Variants in MBNL2 observed in about 807,000 individuals in gnomAD.
The protein encoded by MBNL2 is muscleblind like splicing regulator 2, also known as muscleblind-like protein 2.
MBNL2 carries 17 observed loss-of-function variants against 41.9 expected under a neutral mutation model. That is an observed-to-expected ratio of 0.41 (90% CI 0.28 to 0.61). The LOEUF is 0.61. Among genes scored for constraint, MBNL2 ranks in the 20% least tolerant of loss-of-function variants. MBNL2 has a pLI of 0.35. For synonymous variants in MBNL2, 195 were observed against 182.9 expected (o/e 1.07, Z -0.53); for missense variants, 336 against 505.6 (o/e 0.66, Z 3.22).
chr13:97,242,472 C>T (rs965454108), intron 1 of MBNL2, among the ~76,000 whole-genome samples: 6 of 152,142 alleles, frequency 3.9e-5, no homozygotes, highest in African/African-American at 1.2e-4. Context: ...CTCAGCTAGA[C>T]AGTAGAGGCA....
chr13:97,293,524 G>A (rs1041185194), intron 2 of MBNL2, among the ~76,000 whole-genome samples: 9 of 152,094 alleles, frequency 5.9e-5, no homozygotes, highest in South Asian at 2.1e-4. Flanking sequence ...TTATATCAGC[G>A]TGCAGATATT....
At chr13:97,146,016 A>T in the MBNL2 span, among the ~76,000 whole-genome samples, 1 of 144,064 alleles carries the variant, frequency 6.9e-6, no homozygotes. Context: ...ACGGAGTCTC[A>T]CTCTGTCACC....
At chr13:97,230,313 G>C (rs1354295529) in intron 1 of MBNL2, among the ~76,000 whole-genome samples, 1 of 152,122 alleles carries the variant, frequency 6.6e-6, no homozygotes, top group African/African-American at 2.4e-5. Context: ...AAATGGGAGT[G>C]GTCTGAAAAA....
At chr13:97,260,465 C>T (rs73555771) in intron 1 of MBNL2, among the ~76,000 whole-genome samples, 3,682 of 152,224 alleles carry the variant, frequency 0.024, 72 homozygotes, top group South Asian at 0.11. Flanking sequence ...GGCTGCAGTG[C>T]GGCAAGGGTA....
intron 3 of MBNL2, among the ~76,000 whole-genome samples, chr13:97,341,377 A>C (rs1369614996): frequency 6.6e-6 from 1 of 152,234 alleles, no homozygotes; most frequent in Non-Finnish European, 1.5e-5. Flanking sequence ...AACATTACAT[A>C]GTCCGTAAAC....
the MBNL2 span, among the ~76,000 whole-genome samples, chr13:97,210,056 G>A: frequency 3.9e-5 from 6 of 151,982 alleles, no homozygotes; most frequent in Admixed American, 1.3e-4. Context: ...TTGGCCTCCC[G>A]AAGTGCTGGG....
chr13:97,236,321 G>A (rs1468863731), intron 1 of MBNL2, among the ~76,000 whole-genome samples: 1 of 152,114 alleles, frequency 6.6e-6, no homozygotes, highest in African/African-American at 2.4e-5. Flanking sequence ...CAGAACGAAG[G>A]GGTTAATTTA....
At chr13:97,255,222 G>A (rs973967045) in intron 1 of MBNL2, among the ~76,000 whole-genome samples, 7 of 152,160 alleles carry the variant, frequency 4.6e-5, no homozygotes, top group African/African-American at 1.4e-4. Context: ...AGAGTTAGAA[G>A]AACTGACAGA....
At chr13:97,330,986 C>T (rs2060390469) in intron 2 of MBNL2, among the ~76,000 whole-genome samples, 1 of 152,076 alleles carries the variant, frequency 6.6e-6, no homozygotes, top group Non-Finnish European at 1.5e-5. Flanking sequence ...CACAAATACC[C>T]TGTAGAGTTG....
At chr13:97,237,699 A>G (rs969101531) in intron 1 of MBNL2, among the ~76,000 whole-genome samples, 1 of 152,242 alleles carries the variant, frequency 6.6e-6, no homozygotes, top group African/African-American at 2.4e-5. Context: ...TCTAGGGTGT[A>G]CTTGGCATGG....
At chr13:97,154,184 G>C in the MBNL2 span, among the ~76,000 whole-genome samples, 137 of 152,278 alleles carry the variant, frequency 9.0e-4, no homozygotes, top group African/African-American at 3.2e-3. Flanking sequence ...AGTCATAAAA[G>C]AGAATTTGAT....
At chr13:97,182,179 C>T in the MBNL2 span, among the ~76,000 whole-genome samples, 18 of 152,280 alleles carry the variant, frequency 1.2e-4, no homozygotes, top group African/African-American at 4.3e-4. Context: ...GGAACCCAGG[C>T]AATCCTATGG....
chr13:97,224,165 C>G (rs1418478622), intron 1 of MBNL2, among the ~76,000 whole-genome samples: 1 of 152,200 alleles, frequency 6.6e-6, no homozygotes, highest in African/African-American at 2.4e-5. Context: ...CTGACTCCCC[C>G]TTGGTGCAGC....
intron 8 of MBNL2, among the ~76,000 whole-genome samples, chr13:97,388,753 A>T (rs1594303863): frequency 6.6e-6 from 1 of 152,010 alleles, no homozygotes; most frequent in Non-Finnish European, 1.5e-5. Flanking sequence ...GGCATATTTC[A>T]CCCCAGAGTA....
At chr13:97,216,690 C>T (rs931834888), upstream of MBNL2, among the ~76,000 whole-genome samples, 2 of 152,132 alleles carry the variant, frequency 1.3e-5, no homozygotes, top group Non-Finnish European at 2.9e-5. Flanking sequence ...TGATTTTAAA[C>T]ATCATCAAAC....
the MBNL2 span, among the ~76,000 whole-genome samples, chr13:97,163,767 G>A: frequency 6.6e-5 from 10 of 152,212 alleles, no homozygotes; most frequent in African/African-American, 2.4e-4. Context: ...CAGGGAAGGG[G>A]TGGGCCCTTA....
chr13:97,360,885 G>A (rs2063340072), intron 7 of MBNL2, among the ~76,000 whole-genome samples: 1 of 152,192 alleles, frequency 6.6e-6, no homozygotes, highest in Admixed American at 6.5e-5. Flanking sequence ...TAGAACAGGG[G>A]ACAGTGCCCA....
chr13:97,273,257 C>T (rs1343001054), intron 1 of MBNL2, among the ~76,000 whole-genome samples: 6 of 152,146 alleles, frequency 3.9e-5, no homozygotes, highest in Non-Finnish European at 8.8e-5. Context: ...ATATCCTTGT[C>T]ATTGGTGCCT....
intron 2 of MBNL2, among the ~76,000 whole-genome samples, chr13:97,290,685 A>T (rs2055739786): frequency 2.3e-5 from 1 of 43,234 alleles, no homozygotes; most frequent in African/African-American, 4.4e-5. Flanking sequence ...TCCGTCTCAA[A>T]AAAAAAAAAA....
Sources: gnomAD v4.1 joint callset for allele counts (sites outside exome capture counted in the v4.1 genomes callset) on GRCh38, gnomAD v4.1.1 for gene constraint, MANE v1.5 for transcripts, NCBI Gene and HGNC (gene_info 2026-07-23, HGNC 2026-07-21) for gene names.